The following GPR155 variants were observed in gnomAD, a reference collection of about 807,000 sequenced individuals.
GPR155 encodes lysosomal cholesterol signaling protein.
In GPR155, 65 loss-of-function variants were observed where a neutral mutation model predicts 93.1. That is an observed-to-expected ratio of 0.70 (90% CI 0.57 to 0.86). The LOEUF (loss-of-function observed/expected upper bound fraction) is 0.86. Among genes scored for constraint, GPR155 ranks in the 40% least tolerant of loss-of-function variants. The pLI is 0.00. For missense variants in GPR155, 838 were observed against 1,034.8 expected, an observed-to-expected ratio of 0.81 and a Z score of 2.61; for synonymous variants, 319 against 360.1, an observed-to-expected ratio of 0.89 and a Z score of 1.29.
intron 14 of GPR155, 41 bp from the exon 15 acceptor site, chr2:174,440,076 C>T (rs1686910218): frequency 6.4e-7 from 1 of 1,566,644 alleles, no homozygotes; most frequent in Non-Finnish European, 8.7e-7. Flanking sequence ...GACAGAAAAG[C>T]ACTGAGAGAG....
chr2:174,452,697 G>A (rs1464683093), intron 11 of GPR155, among the ~76,000 whole-genome samples: 1 of 152,036 alleles, frequency 6.6e-6, no homozygotes, highest in African/African-American at 2.4e-5. Context: ...CTAGGTTGCA[G>A]TGCAGTGGCG....
chr2:174,438,747 C>A (rs989539185), intron 15 of GPR155, among the ~76,000 whole-genome samples: 4 of 152,088 alleles, frequency 2.6e-5, no homozygotes, highest in African/African-American at 9.7e-5. Context: ...CCTCAGGTGA[C>A]CCTCCCACCT....
At chr2:174,468,813 AT>A in intron 5 of GPR155, 98 bp downstream of exon 5, 1 of 1,025,860 alleles carries the variant, frequency 9.7e-7, no homozygotes, top group Non-Finnish European at 1.4e-6. Context: ...AGCTTTCTTT[AT>A]TTCATAAGAA....
intron 7 of GPR155, among the ~76,000 whole-genome samples, chr2:174,462,454 G>A (rs550132230): frequency 1.3e-5 from 2 of 152,250 alleles, no homozygotes; most frequent in East Asian, 1.9e-4. Context: ...GGGATTACAG[G>A]TGTGCACCAC....
chr2:174,446,712 A>G lies in GPR155; in HGVS notation c.1912T>C (p.Cys638Arg). ...HCVSRCNSQS[C>R]ILAQEEEQYL... ...TGTTCTTCTTCCTGGGCTAATATGC[A>G]GCTCTGGGAGTTACAGCGACTCACA... The change falls in exon 12 of 16, where the codon TGC becomes CGC. Residue 638 changes from cysteine (C) to arginine (R), a missense_variant. Cys to Arg is a radical substitution (Grantham distance 180). Coordinates refer to ENST00000392552, the MANE Select transcript of GPR155 (RefSeq NM_152529.7). 6.2e-7 allele frequency: 1 copy of G among 1,613,994 alleles called. No individual in the cohort carries two copies. Among genetic ancestry groups the G allele is most frequent in the Non-Finnish European group, 8.5e-7 (1 of 1,179,846 alleles).
chr2:174,442,356 G>A (rs905505271), intron 13 of GPR155, among the ~76,000 whole-genome samples, 173 bp from the exon 14 acceptor site: 2 of 152,178 alleles, frequency 1.3e-5, no homozygotes, highest in Non-Finnish European at 2.9e-5. Flanking sequence ...ATGATGCTTT[G>A]CTGCCTTTTC....
At position 174,439,947 on chromosome 2, in the gene GPR155, T is replaced by C; in HGVS notation, c.2263A>G (p.Ile755Val). Residue 755 changes from isoleucine to valine, a missense_variant, in exon 15 of 16, where the codon ATC becomes GTC. This residue lies in a region of GPR155 where 146 missense variants were observed against 177.5 expected (regional missense o/e 0.82). Coordinates refer to ENST00000392552, the MANE Select transcript of GPR155 (RefSeq NM_152529.7). ...ATACAGAGGTCACGGTGATAATGGA[T>C]AAATTGTTGACAGGTCATTTTTATT... is the stretch of plus-strand genomic sequence containing the variant. ...EEIKMTCQQF[I>V]HYHRDLCIRN... 1 of 1,613,364 alleles carries C rather than the reference T, an allele frequency of 6.2e-7. No individual in the cohort carries two copies. Among genetic ancestry groups the C allele is most frequent in the Non-Finnish European group, 8.5e-7 (1 of 1,179,398 alleles).
At chr2:174,459,655 G>A (rs1433775565) in intron 10 of GPR155, among the ~76,000 whole-genome samples, 1 of 152,096 alleles carries the variant, frequency 6.6e-6, no homozygotes, top group Non-Finnish European at 1.5e-5. Flanking sequence ...GACCAGCCTG[G>A]GCAACATGGC....
At chr2:174,455,282 T>G (rs926409331) in intron 10 of GPR155, among the ~76,000 whole-genome samples, 3 of 151,882 alleles carry the variant, frequency 2.0e-5, no homozygotes, top group African/African-American at 7.3e-5. Context: ...TGAAGAGAAG[T>G]GATAACATGA....
intron 11 of GPR155, among the ~76,000 whole-genome samples, chr2:174,447,065 G>A (rs1044509588): frequency 9.2e-5 from 14 of 151,794 alleles, no homozygotes; most frequent in Middle Eastern, 3.4e-3. Context: ...GCCTGGGTGC[G>A]GTGGCTCATG....
At chr2:174,485,580 G>A (rs1688453573) in intron 1 of GPR155, among the ~76,000 whole-genome samples, 2 of 143,112 alleles carry the variant, frequency 1.4e-5, no homozygotes, top group South Asian at 4.3e-4. Context: ...CTGAGCAACA[G>A]AGCAAGACTC....
chr2:174,470,266 T>C (rs1687953324), intron 4 of GPR155, 124 bp downstream of exon 4: 5 of 758,684 alleles, frequency 6.6e-6, no homozygotes. Flanking sequence ...TGGGGCAACA[T>C]AGTGAGACCC....
At chr2:174,469,188 A>G (rs1687924075) in intron 4 of GPR155, 121 bp from the exon 5 acceptor site, 6 of 766,142 alleles carry the variant, frequency 7.8e-6, no homozygotes, top group Non-Finnish European at 1.2e-5. Context: ...AAGACATTAT[A>G]AAATCCAGCA....
At position 174,433,154 on chromosome 2, in the gene GPR155, A is replaced by G. The variant is rs887959366; in HGVS notation, c.*2962T>C. On this transcript the variant is annotated 3_prime_UTR_variant, in exon 16 of 16. Coordinates refer to ENST00000392552, the MANE Select transcript of GPR155 (RefSeq NM_152529.7). Reference sequence around the variant, plus strand: ...ATTATTTTATAAATAACTTTTTTACATGAGACACTTAAAGTATAATTAAAT... The same window carrying G: ...ATTATTTTATAAATAACTTTTTTACGTGAGACACTTAAAGTATAATTAAAT... The G allele has an allele frequency of 1.3e-5, 2 of 152,186 alleles. No individual in the cohort carries two copies. The highest frequency in any genetic ancestry group is 4.8e-5 in the African/African-American group (2 of 41,444). The allele number at this position is 152,186 out of a possible 1,614,324, so 9.4% of individuals were successfully genotyped here. A position where few individuals can be genotyped will look rare whatever the true frequency, so the allele number is the denominator to read the frequency against.
chr2:174,467,482 T>A (rs552146240), intron 5 of GPR155, among the ~76,000 whole-genome samples: 1 of 152,210 alleles, frequency 6.6e-6, no homozygotes, highest in East Asian at 1.9e-4. Context: ...GGAGACTCTG[T>A]CTCAACAAAA....
chr2:174,464,676 T>G (rs983999195), intron 7 of GPR155, among the ~76,000 whole-genome samples: 19 of 151,688 alleles, frequency 1.3e-4, no homozygotes, highest in African/African-American at 3.9e-4. Context: ...TTAACCTGAG[T>G]AAGCCTAGTT....
At chr2:174,458,620 A>G (rs556833072) in intron 10 of GPR155, among the ~76,000 whole-genome samples, 140 of 152,276 alleles carry the variant, frequency 9.2e-4, no homozygotes, top group Non-Finnish European at 1.7e-3. Flanking sequence ...TATAGGCCCC[A>G]AAGACTCAAC....
intron 12 of GPR155, among the ~76,000 whole-genome samples, chr2:174,446,151 A>G (rs1687117135): frequency 6.6e-6 from 1 of 151,934 alleles, no homozygotes; most frequent in African/African-American, 2.4e-5. Context: ...TACTACAAAT[A>G]CAAAAATTAG....
Position 174,481,948 on chromosome 2 carries a change from A to G in GPR155, c.9T>C (p.Ser3=). The G allele has an allele frequency of 6.2e-7, 1 of 1,606,768 alleles. No homozygotes were observed. The highest frequency in any genetic ancestry group is 1.1e-5 in the South Asian group (1 of 90,838). Residue 3 remains serine (S), a synonymous_variant, in exon 2 of 16, where the codon TCT becomes TCC. Coordinates refer to ENST00000392552, the MANE Select transcript of GPR155 (RefSeq NM_152529.7). MN[S]NLPAENLTIA... ...TGGTTAAGTTCTCTGCAGGTAAATT[A>G]GAATTCATTTTCTCTCACCCTCCAA...
Sources: allele counts gnomAD v4.1 joint callset (sites outside exome capture counted in the v4.1 genomes callset), GRCh38; gene constraint gnomAD v4.1.1; regional missense constraint gnomAD v4.1.1; transcripts MANE v1.5; gene names NCBI Gene and HGNC (gene_info 2026-07-23, HGNC 2026-07-21).